TGFBI: variants seen among roughly 807,000 people sequenced by gnomAD.
TGFBI encodes the protein transforming growth factor-beta-induced protein ig-h3.
Under a neutral mutation model 73.7 loss-of-function variants are expected in TGFBI, and 50 were observed. The ratio of observed to expected loss-of-function variants is 0.68; its 90% CI spans 0.54 to 0.86. The LOEUF is 0.86. Among genes scored for constraint, TGFBI ranks in the 40% least tolerant of loss-of-function variants. The pLI is 0.00. For missense variants in TGFBI, 839 were observed against 877.0 expected, an observed-to-expected ratio of 0.96 and a Z score of 0.55; for synonymous variants, 362 against 360.5, an observed-to-expected ratio of 1.00 and a Z score of -0.05.
intron 6 of TGFBI, chr5:136,048,595 A>C (rs1249312065): frequency 6.6e-6 from 1 of 152,308 alleles, no homozygotes; most frequent in African/African-American, 2.4e-5. Flanking sequence ...GTAAATCGGG[A>C]GTGACAGTAG....
chr5:136,042,041 T>G (rs2282791), intron 2 of TGFBI, among the ~76,000 whole-genome samples: 76,707 of 152,028 alleles, frequency 0.5, 19,731 homozygotes, highest in African/African-American at 0.59. Flanking sequence ...TGCTTCAGCA[T>G]CTCCATGGAT....
At position 136,053,926 on chromosome 5, in the gene TGFBI, T is replaced by G; in HGVS notation, c.1127-17T>G. Reference sequence around the variant, plus strand: ...CAGCGCTTTTAACTTTTGAACCCACTTTCTCCTTCCTTGTAGCCAAGACAC... The same window carrying G: ...CAGCGCTTTTAACTTTTGAACCCACGTTCTCCTTCCTTGTAGCCAAGACAC... On this transcript the variant is annotated splice_polypyrimidine_tract_variant and intron_variant, in intron 8 of 16. Coordinates refer to ENST00000442011, the MANE Select transcript of TGFBI (RefSeq NM_000358.3). 6.2e-7 allele frequency: 1 copy of G among 1,611,838 alleles called. No individual in the cohort carries two copies. Among genetic ancestry groups the G allele is most frequent in the Non-Finnish European group, 8.5e-7 (1 of 1,178,000 alleles).
Position 136,055,213 on chromosome 5 carries a change from G to A in TGFBI, c.1410+352G>A, listed in dbSNP as rs915143082. On this transcript the variant is annotated intron_variant, in intron 10 of 16. Coordinates refer to ENST00000442011, the MANE Select transcript of TGFBI (RefSeq NM_000358.3). ...CTAAACTAAAATACAGCCCTCCTTGGTCCAAAAGGTGCCTTCTCTCTTCTG... is the reference window on the plus strand; with the variant it reads ...CTAAACTAAAATACAGCCCTCCTTGATCCAAAAGGTGCCTTCTCTCTTCTG... The A allele has an allele frequency of 1.1e-4, 28 of 253,820 alleles. No homozygotes were observed. In the Admixed American group the frequency reaches 1.4e-3, roughly 13 times the overall value. 15.7% of individuals were successfully genotyped at this position (253,820 alleles called of 1,614,324 possible).
At chr5:136,041,745 C>T (rs1369678777) in intron 2 of TGFBI, among the ~76,000 whole-genome samples, 2 of 152,152 alleles carry the variant, frequency 1.3e-5, no homozygotes, top group Non-Finnish European at 2.9e-5. Context: ...CTCCTGGTGT[C>T]TTTCTTTACA....
intron 13 of TGFBI, 21 bp downstream of exon 13, chr5:136,059,235 A>T: frequency 6.2e-7 from 1 of 1,606,428 alleles, no homozygotes; most frequent in Non-Finnish European, 8.5e-7. Flanking sequence ...TGCAAATCAA[A>T]GGCTGGCTAA....
intron 2 of TGFBI, among the ~76,000 whole-genome samples, chr5:136,040,347 C>G (rs45615639): frequency 6.6e-6 from 1 of 152,224 alleles, no homozygotes; most frequent in African/African-American, 2.4e-5. Flanking sequence ...CCAGGCCACA[C>G]AGCAGGAGTT....
chr5:136,056,511 C>T (rs1179401799), intron 11 of TGFBI, 154 bp from the exon 12 acceptor site: 8 of 868,736 alleles, frequency 9.2e-6, no homozygotes, highest in Admixed American at 2.5e-5. Flanking sequence ...TTTGTGCATA[C>T]GGAGGGCATG....
intron 7 of TGFBI, among the ~76,000 whole-genome samples, chr5:136,050,082 C>T (rs1445188114): frequency 6.6e-6 from 1 of 152,212 alleles, no homozygotes; most frequent in Non-Finnish European, 1.5e-5. Flanking sequence ...CCTTTAATAT[C>T]AGCACTTTGG....
rs760160548 is a variant in TGFBI at position 136,046,858 on chromosome 5, T to C, written c.467T>C (p.Leu156Pro). Residue 156 changes from leucine to proline, a missense_variant, in exon 5 of 17, where the codon CTG (leucine) becomes CCG (proline). Transcript: ENST00000442011. ...EAWASLPAEV[L>P]DSLVSNVNIE... ...CCCTGTCCTTCCTCCTAGGAAGTGC[T>C]GGACTCCCTGGTCAGCAATGTCAAC... The C allele has an allele frequency of 1.2e-6, 2 of 1,613,260 alleles. No homozygotes were observed. Among genetic ancestry groups the C allele is most frequent in the Non-Finnish European group, 1.7e-6 (2 of 1,179,476 alleles).
chr5:136,061,086 T>C (rs776743724), intron 14 of TGFBI, 150 bp downstream of exon 14: 11 of 634,746 alleles, frequency 1.7e-5, no homozygotes, highest in East Asian at 2.8e-5. Context: ...GCAGAGTGAA[T>C]TGGGAGCTGT....
At chr5:136,029,756 G>T (rs1453460836) in intron 1 of TGFBI, among the ~76,000 whole-genome samples, 4 of 152,192 alleles carry the variant, frequency 2.6e-5, no homozygotes, top group Non-Finnish European at 4.4e-5. Context: ...GGCACTTCTT[G>T]TCCTGCCCGA....
At chr5:136,055,466 G>T (rs902148157) in intron 10 of TGFBI, 3 of 415,542 alleles carry the variant, frequency 7.2e-6, no homozygotes, top group African/African-American at 4.1e-5. Flanking sequence ...TGACTTTATT[G>T]GGGCCTCTCT....
At chr5:136,035,650 A>G (rs1338082482) in intron 2 of TGFBI, among the ~76,000 whole-genome samples, 1 of 151,518 alleles carries the variant, frequency 6.6e-6, no homozygotes, top group Non-Finnish European at 1.5e-5. Flanking sequence ...AAAAGAAAAG[A>G]AAACCTTTAG....
In TGFBI at chr5:136,046,483, C is replaced by T. The variant is rs376089468; in HGVS notation, c.447C>T (p.Ala149=). 2 of 1,607,934 alleles carry T rather than the reference C, an allele frequency of 1.2e-6. No individual in the cohort carries two copies. The highest frequency in any genetic ancestry group is 3.4e-5 in the Admixed American group (2 of 59,468). ...TCGCCCCTAGCAACGAGGCCTGGGC[C>T]TCCTTGCCAGCTGTGAGATGACCTC... ...TIFAPSNEAW[A]SLPAEVLDSL... Residue 149 remains alanine, a synonymous_variant, in exon 4 of 17, where the codon GCC becomes GCT. Transcript: ENST00000442011.
intron 11 of TGFBI, 49 bp from the exon 12 acceptor site, chr5:136,056,616 A>G: frequency 3.7e-6 from 6 of 1,611,552 alleles, no homozygotes; most frequent in Non-Finnish European, 5.1e-6. Context: ...TGAGGTATTT[A>G]AGGAAAATAC....
chr5:136,038,770 G>A (rs1285849614), intron 2 of TGFBI, among the ~76,000 whole-genome samples: 2 of 151,622 alleles, frequency 1.3e-5, no homozygotes, highest in South Asian at 2.1e-4. Flanking sequence ...AGAAGGCAAC[G>A]TGATGATGAA....
intron 3 of TGFBI, 60 bp downstream of exon 3, chr5:136,044,182 G>A (rs1298634858): frequency 4.2e-6 from 6 of 1,429,350 alleles, no homozygotes; most frequent in African/African-American, 1.4e-5. Flanking sequence ...GTGGGAGAGA[G>A]GAGTACCCAC....
intron 16 of TGFBI, among the ~76,000 whole-genome samples, 195 bp from the exon 17 acceptor site, chr5:136,062,991 T>C (rs975717771): frequency 6.6e-6 from 1 of 152,198 alleles, no homozygotes; most frequent in South Asian, 2.1e-4. Flanking sequence ...TAGTTCCAAG[T>C]TGATAGGTAC....
chr5:136,056,435 T>C, intron 11 of TGFBI: 1 of 525,808 alleles, frequency 1.9e-6, no homozygotes. Context: ...CTCTGACGTC[T>C]GGCCATTTAA....
Sources: allele counts gnomAD v4.1 joint callset (sites outside exome capture counted in the v4.1 genomes callset), GRCh38; gene constraint gnomAD v4.1.1; transcripts MANE v1.5; gene names NCBI Gene and HGNC (gene_info 2026-07-23, HGNC 2026-07-21).